The following PDE4B variants were observed in gnomAD, a reference collection of about 807,000 sequenced individuals.
PDE4B encodes 3',5'-cyclic-AMP phosphodiesterase 4B.
A neutral mutation model predicts 82.2 loss-of-function variants in PDE4B; 20 were observed. The ratio of observed to expected loss-of-function variants is 0.24; its 90% CI spans 0.17 to 0.35. The LOEUF (loss-of-function observed/expected upper bound fraction) is 0.35, where lower values mean the gene tolerates loss of function less well. Among genes scored for constraint, PDE4B ranks in the 10% least tolerant of loss-of-function variants. The pLI, the probability that PDE4B is intolerant of heterozygous loss-of-function variation, is 1.00. For missense variants in PDE4B, 655 were observed against 907.2 expected (o/e 0.72, Z 3.57); for synonymous variants, 320 against 318.9 (o/e 1.00, Z -0.04).
intron 7 of PDE4B, among the ~76,000 whole-genome samples, chr1:66,297,182 G>A (rs182546397): frequency 2.6e-5 from 4 of 152,114 alleles, no homozygotes; most frequent in South Asian, 2.1e-4. Context: ...AGTGTTCTTG[G>A]AACTGTTTCA....
intron 7 of PDE4B, among the ~76,000 whole-genome samples, chr1:66,297,472 A>G (rs1224092655): frequency 6.6e-6 from 1 of 152,198 alleles, no homozygotes; most frequent in Non-Finnish European, 1.5e-5. Flanking sequence ...AAACTCTTAA[A>G]GAAGCCAGGC....
At chr1:66,278,200 A>C (rs1030452205) in intron 7 of PDE4B, among the ~76,000 whole-genome samples, 2 of 152,218 alleles carry the variant, frequency 1.3e-5, no homozygotes, top group African/African-American at 4.8e-5. Context: ...ATTGTAACTA[A>C]AAGAAGAGAA....
At chr1:66,123,554 T>C (rs544873783) in intron 3 of PDE4B, among the ~76,000 whole-genome samples, 1 of 147,000 alleles carries the variant, frequency 6.8e-6, no homozygotes, top group African/African-American at 2.5e-5. Context: ...CCCTCCCTCC[T>C]TCCCTCCCTC....
intron 3 of PDE4B, among the ~76,000 whole-genome samples, chr1:66,200,722 C>T (rs990206267): frequency 7.0e-4 from 106 of 152,160 alleles, no homozygotes; most frequent in Non-Finnish European, 1.3e-3. Context: ...GCTGAAGTTG[C>T]TTATCAGCTT....
intron 3 of PDE4B, among the ~76,000 whole-genome samples, chr1:66,044,206 T>C (rs960501604): frequency 6.6e-6 from 1 of 151,744 alleles, no homozygotes; most frequent in Non-Finnish European, 1.5e-5. Flanking sequence ...GGTGTGTTTC[T>C]ACCTGTTTTA....
chr1:66,260,183 G>A (rs1020618967), intron 6 of PDE4B, among the ~76,000 whole-genome samples: 1 of 152,236 alleles, frequency 6.6e-6, no homozygotes, highest in African/African-American at 2.4e-5. Flanking sequence ...TAAAGGTATT[G>A]TTACCCCCAC....
chr1:65,979,314 T>G (rs749329678), intron 3 of PDE4B, among the ~76,000 whole-genome samples: 2 of 152,232 alleles, frequency 1.3e-5, no homozygotes, highest in Non-Finnish European at 2.9e-5. Flanking sequence ...GAGCTCCTGT[T>G]TCTCTGTGAA....
chr1:66,329,178 A>AGTGC (rs2101907827), intron 7 of PDE4B, among the ~76,000 whole-genome samples: 2 of 152,270 alleles, frequency 1.3e-5, no homozygotes, highest in East Asian at 3.9e-4. Context: ...CACTCACCTC[A>AGTGC]AGGTATCCCA....
At chr1:66,204,453 C>G (rs2101549897) in intron 3 of PDE4B, among the ~76,000 whole-genome samples, 1 of 152,366 alleles carries the variant, frequency 6.6e-6, no homozygotes, top group South Asian at 2.1e-4. Flanking sequence ...TAGGTGGAGC[C>G]TACAGAGGCC....
At chr1:66,149,628 A>G (rs886624626) in intron 3 of PDE4B, among the ~76,000 whole-genome samples, 4 of 152,262 alleles carry the variant, frequency 2.6e-5, no homozygotes, top group Admixed American at 2.0e-4. Flanking sequence ...CCAAGATGGG[A>G]GGATAGCTTG....
chr1:65,984,071 A>G (rs1385670624), intron 3 of PDE4B, among the ~76,000 whole-genome samples: 15 of 152,204 alleles, frequency 9.9e-5, no homozygotes, highest in Non-Finnish European at 1.5e-5. Context: ...GCTCAAAACT[A>G]GAAACAGCCC....
intron 1 of PDE4B, among the ~76,000 whole-genome samples, chr1:65,858,935 C>T (rs952019601): frequency 9.9e-5 from 15 of 152,024 alleles, no homozygotes; most frequent in South Asian, 2.1e-4. Flanking sequence ...GAAGAGGGAG[C>T]CCTTTACTTC....
At chr1:65,927,441 AATATATATAATATGTATT>A (rs1235286497) in intron 3 of PDE4B, among the ~76,000 whole-genome samples, 109 of 146,660 alleles carry the variant, frequency 7.4e-4, no homozygotes, top group African/African-American at 2.4e-3. Flanking sequence ...AATATATGTA[AATATATATAATATGTATT>A]ATATATATAA....
At chr1:66,122,703 CTTTTT>C (rs3036785) in intron 3 of PDE4B, among the ~76,000 whole-genome samples, 2 of 111,960 alleles carry the variant, frequency 1.8e-5, no homozygotes, top group Non-Finnish European at 3.5e-5. Flanking sequence ...CTCTTCTTTT[CTTTTT>C]TTTTTTTTTT....
chr1:66,181,809 C>G (rs556980910), intron 3 of PDE4B, among the ~76,000 whole-genome samples: 1 of 152,074 alleles, frequency 6.6e-6, no homozygotes, highest in African/African-American at 2.4e-5. Context: ...CTATGCCTAG[C>G]TTTCCTAGGG....
chr1:65,918,070 A>G (rs893984174), intron 2 of PDE4B, among the ~76,000 whole-genome samples: 2 of 152,226 alleles, frequency 1.3e-5, no homozygotes, highest in African/African-American at 4.8e-5. Context: ...AGGCTGAGGC[A>G]GGAGAATCAC....
At chr1:65,900,658 A>G (rs1646961780) in intron 1 of PDE4B, among the ~76,000 whole-genome samples, 1 of 152,066 alleles carries the variant, frequency 6.6e-6, no homozygotes, top group African/African-American at 2.4e-5. Context: ...TTTTCCTTCT[A>G]AAGATATTTC....
intron 2 of PDE4B, among the ~76,000 whole-genome samples, chr1:65,917,697 G>T (rs1197104653): frequency 6.6e-6 from 1 of 152,068 alleles, no homozygotes; most frequent in Non-Finnish European, 1.5e-5. Flanking sequence ...CAGCATTAGG[G>T]CATGTACTTG....
chr1:66,205,957 A>G (rs777234523), intron 3 of PDE4B, among the ~76,000 whole-genome samples: 1 of 152,128 alleles, frequency 6.6e-6, no homozygotes, highest in Non-Finnish European at 1.5e-5. Context: ...GACTTTCTAG[A>G]CACTCACAGT....
Sources: allele counts gnomAD v4.1 joint callset (sites outside exome capture counted in the v4.1 genomes callset), GRCh38; gene constraint gnomAD v4.1.1; transcripts MANE v1.5; gene names NCBI Gene and HGNC (gene_info 2026-07-23, HGNC 2026-07-21).